Variants in ZNF536 observed in about 807,000 individuals in gnomAD.
The protein encoded by ZNF536 is zinc finger protein 536.
In ZNF536, 13 loss-of-function variants were observed where a neutral mutation model predicts 84.5. That is an observed-to-expected ratio of 0.15 (90% CI 0.10 to 0.24). ZNF536 has a LOEUF of 0.24. Ranked by LOEUF, ZNF536 falls within the 10% of genes least tolerant of loss-of-function variation. The pLI is 1.00. For missense variants in ZNF536, 1,536 were observed against 1,747.5 expected (o/e 0.88, Z 2.16); for synonymous variants, 811 against 742.5 (o/e 1.09, Z -1.50).
At chr19:30,525,901 A>C (rs984373469) in intron 2 of ZNF536, among the ~76,000 whole-genome samples, 1 of 152,180 alleles carries the variant, frequency 6.6e-6, no homozygotes, top group Non-Finnish European at 1.5e-5. Flanking sequence ...CCACCTGGAC[A>C]TATTGAGACA....
At chr19:30,549,979 T>G (rs1447128189) in intron 4 of ZNF536, among the ~76,000 whole-genome samples, 1 of 152,372 alleles carries the variant, frequency 6.6e-6, no homozygotes, top group South Asian at 2.1e-4. Context: ...ACTTAGAGGA[T>G]ACTAAAATCA....
chr19:30,628,885 A>C (rs945474199), intron 1 of ZNF536, among the ~76,000 whole-genome samples: 20 of 152,032 alleles, frequency 1.3e-4, no homozygotes, highest in Non-Finnish European at 2.1e-4. Context: ...TTGTATTTTT[A>C]GTAGAGATGG....
intron 1 of ZNF536, among the ~76,000 whole-genome samples, chr19:30,259,264 G>T (rs954953176): frequency 6.6e-6 from 1 of 152,106 alleles, no homozygotes. Context: ...ACTTTAAAGA[G>T]AAAAGACCTC....
At chr19:30,382,556 A>T (rs899927899) in intron 1 of ZNF536, among the ~76,000 whole-genome samples, 6 of 142,896 alleles carry the variant, frequency 4.2e-5, no homozygotes, top group African/African-American at 1.5e-4. Context: ...GGTGGATGGG[A>T]TGTGGGCAGG....
chr19:30,499,385 C>CTATG (rs527340213), intron 2 of ZNF536, among the ~76,000 whole-genome samples: 87 of 151,812 alleles, frequency 5.7e-4, no homozygotes, highest in African/African-American at 2.0e-3. Context: ...ATGTATATGT[C>CTATG]TATGTATGTA....
At chr19:30,466,757 G>GAAGGAAGA (rs2053426900) in intron 2 of ZNF536, among the ~76,000 whole-genome samples, 1 of 50,704 alleles carries the variant, frequency 2.0e-5, no homozygotes, top group Non-Finnish European at 3.4e-5. Flanking sequence ...AGAAAGGAGG[G>GAAGGAAGA]AAGGAAGGAA....
intron 1 of ZNF536, among the ~76,000 whole-genome samples, chr19:30,239,886 G>A (rs545421142): frequency 6.6e-6 from 1 of 152,254 alleles, no homozygotes; most frequent in East Asian, 1.9e-4. Flanking sequence ...ACACCACGAT[G>A]CCATGTGAGG....
upstream of ZNF536, among the ~76,000 whole-genome samples, chr19:30,368,200 C>A (rs1351699001): frequency 6.6e-6 from 1 of 152,242 alleles, no homozygotes; most frequent in Admixed American, 6.5e-5. Context: ...GCTGCAGCAG[C>A]TACATGTTGA....
intron 1 of ZNF536, among the ~76,000 whole-genome samples, chr19:30,603,394 T>G (rs952389033): frequency 1.3e-5 from 2 of 152,212 alleles, no homozygotes; most frequent in Non-Finnish European, 2.9e-5. Context: ...AAGCCATAGA[T>G]CCGATGGAGA....
intron 2 of ZNF536, among the ~76,000 whole-genome samples, chr19:30,298,941 T>C (rs556698671): frequency 9.2e-5 from 14 of 152,196 alleles, no homozygotes; most frequent in Non-Finnish European, 1.6e-4. Context: ...GTCCCTCCAA[T>C]TCTGAAGTTG....
intron 3 of ZNF536, among the ~76,000 whole-genome samples, chr19:30,539,053 AGAAAG>A (rs975848705): frequency 6.6e-6 from 1 of 152,052 alleles, no homozygotes; most frequent in African/African-American, 2.4e-5. Flanking sequence ...ATAAAAGGAA[AGAAAG>A]GAAAGAAAAG....
chr19:30,330,791 G>C (rs1308467996), intron 2 of ZNF536, among the ~76,000 whole-genome samples: 1 of 152,158 alleles, frequency 6.6e-6, no homozygotes, highest in Non-Finnish European at 1.5e-5. Flanking sequence ...TTTCGGTCCT[G>C]AGGGCTCCTA....
At chr19:30,318,949 G>A (rs1296392215) in intron 2 of ZNF536, among the ~76,000 whole-genome samples, 2 of 152,146 alleles carry the variant, frequency 1.3e-5, no homozygotes, top group Non-Finnish European at 2.9e-5. Flanking sequence ...AACCCAAATG[G>A]CATTGGTTTT....
intron 2 of ZNF536, among the ~76,000 whole-genome samples, chr19:30,519,842 C>A (rs2044246325): frequency 6.6e-6 from 1 of 152,154 alleles, no homozygotes; most frequent in Admixed American, 6.5e-5. Flanking sequence ...AAAAACAGAC[C>A]CCATCCCAGC....
At chr19:30,663,534 T>C (rs2050199545) in intron 1 of ZNF536, among the ~76,000 whole-genome samples, 1 of 152,184 alleles carries the variant, frequency 6.6e-6, no homozygotes, top group African/African-American at 2.4e-5. Context: ...CATTCAGGAG[T>C]TGCTAAATTT....
At chr19:30,615,967 T>C (rs945396159) in intron 1 of ZNF536, among the ~76,000 whole-genome samples, 1 of 152,208 alleles carries the variant, frequency 6.6e-6, no homozygotes, top group Non-Finnish European at 1.5e-5. Flanking sequence ...TTCTCGATCA[T>C]GTTTTTCTAA....
chr19:30,464,152 C>T (rs2053278245), intron 2 of ZNF536, among the ~76,000 whole-genome samples: 1 of 152,162 alleles, frequency 6.6e-6, no homozygotes, highest in African/African-American at 2.4e-5. Context: ...GCCCTGTGGC[C>T]AGCACCTGCA....
intron 1 of ZNF536, among the ~76,000 whole-genome samples, chr19:30,578,660 T>G (rs937673531): frequency 6.6e-6 from 1 of 152,244 alleles, no homozygotes; most frequent in Non-Finnish European, 1.5e-5. Context: ...GTGCATCTTT[T>G]GAGCTCTTGA....
At chr19:30,290,538 C>T (rs918467338) in intron 2 of ZNF536, among the ~76,000 whole-genome samples, 3 of 152,164 alleles carry the variant, frequency 2.0e-5, no homozygotes, top group African/African-American at 7.2e-5. Flanking sequence ...TCCCAAAGTG[C>T]TGGGATTACA....
Sources: gnomAD v4.1 joint callset for allele counts (sites outside exome capture counted in the v4.1 genomes callset) on GRCh38, gnomAD v4.1.1 for gene constraint, MANE v1.5 for transcripts, NCBI Gene and HGNC (gene_info 2026-07-23, HGNC 2026-07-21) for gene names.